EVI5: variants seen among roughly 807,000 people sequenced by gnomAD.
EVI5 encodes ecotropic viral integration site 5 protein homolog.
In EVI5, 73 loss-of-function variants were observed where a neutral mutation model predicts 112.0. That is an observed-to-expected ratio of 0.65 (90% CI 0.54 to 0.79). The LOEUF (loss-of-function observed/expected upper bound fraction) is 0.79. EVI5 is among the 30% of genes least tolerant of loss of function. The probability of loss-of-function intolerance (pLI) is 0.00; values close to 1 mark genes in which losing one functional copy is unlikely to be tolerated. For missense variants in EVI5, 900 were observed against 968.8 expected (o/e 0.93, Z 0.94); for synonymous variants, 305 against 319.9 (o/e 0.95, Z 0.50).
Position 92,509,749 on chromosome 1 carries a change from T to A in EVI5, c.*3907A>T, listed in dbSNP as rs1659073103. On this transcript the variant is annotated 3_prime_UTR_variant, in exon 20 of 20. Transcript: ENST00000684568. Reference sequence around the variant, plus strand: ...CAATTTCCATTTTATTCACATCACTTGTATCCTCTACTCTCAGCTTGTCAA... The same window carrying A: ...CAATTTCCATTTTATTCACATCACTAGTATCCTCTACTCTCAGCTTGTCAA... 1 of 152,182 alleles carries A rather than the reference T, an allele frequency of 6.6e-6. No individual in the cohort carries two copies. Among genetic ancestry groups the A allele is most frequent in the African/African-American group, 2.4e-5 (1 of 41,432 alleles). 9.4% of individuals were successfully genotyped at this position (152,182 alleles called of 1,614,324 possible).
At chr1:92,760,424 C>T (rs571484655) in intron 1 of EVI5, among the ~76,000 whole-genome samples, 1 of 152,214 alleles carries the variant, frequency 6.6e-6, no homozygotes, top group Admixed American at 6.5e-5. Context: ...CTAGTATACA[C>T]TAAACAACAA....
At position 92,784,946 on chromosome 1, in the gene EVI5, G is replaced by C. The variant is rs1028037050; in HGVS notation, c.-192C>G. 6.2e-5 allele frequency: 61 copies of C among 985,770 alleles called. No individual in the cohort carries two copies. The highest frequency in any genetic ancestry group is 6.7e-5 in the Non-Finnish European group (56 of 830,366). The allele number at this position is 985,770 out of a possible 1,614,324, so 61.1% of individuals were successfully genotyped here. ...CCGCTCCTGGCTCCACGGGTCGCCC[G>C]TCCCGAGTTCCCAAAAGCACCACGC... On this transcript the variant is annotated 5_prime_UTR_variant, in exon 1 of 20. Transcript: ENST00000684568.
At chr1:92,548,601 C>T (rs949205828) in intron 19 of EVI5, among the ~76,000 whole-genome samples, 4 of 152,248 alleles carry the variant, frequency 2.6e-5, no homozygotes, top group East Asian at 1.9e-4. Context: ...AAAACCCCAT[C>T]GTCTCAGCCC....
chr1:92,788,133 T>C (rs945438435), upstream of EVI5, among the ~76,000 whole-genome samples: 2 of 152,134 alleles, frequency 1.3e-5, no homozygotes, highest in Non-Finnish European at 1.5e-5. Context: ...TCAAAAAATA[T>C]GCAGGTAACA....
intron 18 of EVI5, among the ~76,000 whole-genome samples, chr1:92,593,611 G>A (rs544946174): frequency 7.2e-5 from 11 of 152,272 alleles, no homozygotes; most frequent in African/African-American, 2.6e-4. Flanking sequence ...ATTCCATTAG[G>A]AAAAGAGGAA....
At chr1:92,770,570 C>A (rs1329332880) in intron 1 of EVI5, among the ~76,000 whole-genome samples, 1 of 152,080 alleles carries the variant, frequency 6.6e-6, no homozygotes, top group Non-Finnish European at 1.5e-5. Flanking sequence ...GCGGGCTGAT[C>A]ACGAGGTCAG....
chr1:92,787,619 T>C (rs890197571), upstream of EVI5, among the ~76,000 whole-genome samples: 1 of 151,892 alleles, frequency 6.6e-6, no homozygotes, highest in African/African-American at 2.4e-5. Flanking sequence ...TAGGCACCTG[T>C]AGTCCTGCTA....
chr1:92,559,180 AATG>A (rs1668133806), intron 19 of EVI5, among the ~76,000 whole-genome samples: 1 of 152,226 alleles, frequency 6.6e-6, no homozygotes, highest in African/African-American at 2.4e-5. Flanking sequence ...TTTAGGGAAT[AATG>A]ATAAGGAATA....
intron 1 of EVI5, among the ~76,000 whole-genome samples, chr1:92,765,729 C>T (rs1427861155): frequency 6.6e-6 from 1 of 152,084 alleles, no homozygotes; most frequent in Non-Finnish European, 1.5e-5. Flanking sequence ...ACATGAACCA[C>T]TTTGCTGTAT....
chr1:92,676,161 T>C (rs1666718419), intron 10 of EVI5, among the ~76,000 whole-genome samples: 1 of 151,720 alleles, frequency 6.6e-6, no homozygotes, highest in African/African-American at 2.4e-5. Context: ...GGAGGAGAGT[T>C]GATAAGAGAG....
rs571047950 is a variant in EVI5 at position 92,581,738 on chromosome 1, G to T, written c.2071-18001C>A. On this transcript the variant is annotated intron_variant, in intron 18 of 19. Coordinates refer to ENST00000684568, the MANE Select transcript of EVI5 (RefSeq NM_001350197.2). ...ACTATTTTGTTAGATAGTTGGGGTA[G>T]GTAATTCTGGGAGTTTCAAGCCATC... is the stretch of plus-strand genomic sequence containing the variant. 3.3e-5 allele frequency among the ~76,000 whole-genome samples: 5 copies of T among 150,878 alleles called. No individual in the cohort carries two copies. The East Asian group carries it at 9.7e-4, about 29-fold the overall frequency.
At chr1:92,655,662 G>T (rs10747447) in intron 13 of EVI5, among the ~76,000 whole-genome samples, 6 of 152,112 alleles carry the variant, frequency 3.9e-5, no homozygotes, top group Admixed American at 6.5e-5. Flanking sequence ...ACCAAAAGCA[G>T]GCAGGAGTAG....
chr1:92,590,909 G>A (rs1172996765), intron 18 of EVI5, among the ~76,000 whole-genome samples: 1 of 152,206 alleles, frequency 6.6e-6, no homozygotes, highest in Non-Finnish European at 1.5e-5. Flanking sequence ...ACTAACAGCT[G>A]ATCTCTCAGC....
chr1:92,756,995 G>A (rs1180166835), intron 1 of EVI5: 1 of 207,236 alleles, frequency 4.8e-6, no homozygotes, highest in Middle Eastern at 8.9e-4. Flanking sequence ...AGACTGCTCT[G>A]TGACTTGAAG....
intron 19 of EVI5, among the ~76,000 whole-genome samples, chr1:92,533,824 T>C (rs1356906059): frequency 6.6e-6 from 1 of 152,156 alleles, no homozygotes; most frequent in Non-Finnish European, 1.5e-5. Context: ...GCCAATATCA[T>C]ACTGAGTGGG....
intron 2 of EVI5, among the ~76,000 whole-genome samples, chr1:92,729,312 T>C (rs560555900): frequency 2.0e-5 from 3 of 152,352 alleles, no homozygotes; most frequent in Non-Finnish European, 2.9e-5. Flanking sequence ...TTGATGACAA[T>C]GAGGTCTGAA....
At chr1:92,670,347 C>G (rs1665659408) in intron 10 of EVI5, among the ~76,000 whole-genome samples, 1 of 152,160 alleles carries the variant, frequency 6.6e-6, no homozygotes, top group African/African-American at 2.4e-5. Context: ...CAAAGTAACC[C>G]AACCCCAACA....
intron 18 of EVI5, among the ~76,000 whole-genome samples, chr1:92,592,882 T>A (rs1557860086): frequency 6.6e-6 from 1 of 152,156 alleles, no homozygotes; most frequent in Non-Finnish European, 1.5e-5. Flanking sequence ...CGAAGTTGAA[T>A]CTCTGAATAG....
At chr1:92,616,418 G>T (rs562276721) in intron 16 of EVI5, among the ~76,000 whole-genome samples, 2 of 152,128 alleles carry the variant, frequency 1.3e-5, no homozygotes, top group African/African-American at 4.8e-5. Context: ...ACCATCAAAC[G>T]CAAGGTAGGC....
Sources: gnomAD v4.1 joint callset for allele counts (sites outside exome capture counted in the v4.1 genomes callset) on GRCh38, gnomAD v4.1.1 for gene constraint, MANE v1.5 for transcripts, NCBI Gene and HGNC (gene_info 2026-07-23, HGNC 2026-07-21) for gene names.